The following HSBP1L1 variants were observed in gnomAD, a reference collection of about 807,000 sequenced individuals.
HSBP1L1 encodes heat shock factor binding protein 1 like 1, also known as heat shock factor-binding protein 1-like protein 1.
Under a neutral mutation model 9.7 loss-of-function variants are expected in HSBP1L1, and 8 were observed. The observed-to-expected ratio is 0.82, with a 90% CI of 0.48 to 1.48. The LOEUF (loss-of-function observed/expected upper bound fraction) is 1.48. HSBP1L1 is among the 40% of genes most tolerant of loss of function. The pLI is 0.00. For missense variants in HSBP1L1, 106 were observed against 95.8 expected, an observed-to-expected ratio of 1.11 and a Z score of -0.44; for synonymous variants, 39 against 34.4, an observed-to-expected ratio of 1.13 and a Z score of -0.46.
intron 3 of HSBP1L1, 122 bp from the exon 4 acceptor site, chr18:79,970,318 T>G: frequency 4.4e-6 from 3 of 685,176 alleles, no homozygotes; most frequent in Non-Finnish European, 8.3e-6. Flanking sequence ...GTCCAAATCA[T>G]TATGATTTCA....
chr18:79,965,799 G>C (rs1021078620), intron 1 of HSBP1L1, among the ~76,000 whole-genome samples: 1 of 152,194 alleles, frequency 6.6e-6, no homozygotes, highest in African/African-American at 2.4e-5. Context: ...TCCCTGCCCC[G>C]TCTGCACGTG....
chr18:79,966,238 A>G (rs1363328114), intron 1 of HSBP1L1, among the ~76,000 whole-genome samples: 1 of 150,582 alleles, frequency 6.6e-6, no homozygotes, highest in African/African-American at 2.4e-5. Flanking sequence ...GCCTTATCCC[A>G]TGATATTTAA....
Position 79,969,259 on chromosome 18 carries a change from AGAGGGAGGGAGGGAGG to A in HSBP1L1, c.213+1100_213+1115del, listed in dbSNP as rs1212643878. Among the ~76,000 whole-genome samples the A allele has an allele frequency of 4.7e-3, 95 of 20,346 alleles. 5 individuals carry two copies. The highest frequency in any genetic ancestry group is 0.018 in the Middle Eastern group (1 of 56). 13.3% of individuals were successfully genotyped at this position (20,346 alleles called of 152,430 possible). A position where few individuals can be genotyped will look rare whatever the true frequency, so the allele number is the denominator to read the frequency against. On this transcript the variant is annotated intron_variant, in intron 3 of 3. Coordinates refer to ENST00000451882, the MANE Select transcript of HSBP1L1 (RefSeq NM_001136180.2). Reference sequence around the variant, plus strand: ...AGGAGAGAGAGGAGAGGAGAGAGAGAGAGGGAGGGAGGGAGGGAGGGAGGGAGGGAGGGAGGGAGAG... The same window carrying A: ...AGGAGAGAGAGGAGAGGAGAGAGAGAGAGGGAGGGAGGGAGGGAGGGAGAG...
intron 2 of HSBP1L1, 66 bp downstream of exon 2, chr18:79,966,744 T>C (rs1331728951): frequency 8.4e-7 from 1 of 1,193,540 alleles, no homozygotes; most frequent in South Asian, 1.4e-5. Context: ...ATGGAGTATC[T>C]TTTTGTTGTC....
chr18:79,964,772 G>A lies in HSBP1L1; in HGVS notation c.37G>A (p.Ala13Thr). The change falls in exon 1 of 4, where the codon GCG becomes ACG. Residue 13 changes from alanine (A) to threonine (T), a missense_variant. Coordinates refer to ENST00000451882, the MANE Select transcript of HSBP1L1 (RefSeq NM_001136180.2). ...GGGCCCTGAAGCCCCCGGCGGGCGC[G>A]CGCTGCGGGACGCGGTGAGCCCCTC... Reference protein sequence around the residue: ...VRGPEAPGGRALRDAAENLFQ... With the variant: ...VRGPEAPGGRTLRDAAENLFQ... 7 of 1,401,764 alleles carry A rather than the reference G, an allele frequency of 5.0e-6. No homozygotes were observed. The highest frequency in any genetic ancestry group is 6.5e-6 in the Non-Finnish European group (7 of 1,078,184). 86.8% of individuals were successfully genotyped at this position (1,401,764 alleles called of 1,614,324 possible).
chr18:79,969,307 A>AGAG lies in HSBP1L1; in HGVS notation c.213+1126_213+1127insGGA, dbSNP rs1568356504. ...GGGAGGGAGGGAGGGAGAGAGAGAG[A>AGAG]GAAAGGAAAGAAAGAAAGAAAGAAA... On this transcript the variant is annotated intron_variant, in intron 3 of 3. Coordinates refer to ENST00000451882, the MANE Select transcript of HSBP1L1 (RefSeq NM_001136180.2). Among the ~76,000 whole-genome samples, 118 of 48,040 alleles carry AGAG rather than the reference A, an allele frequency of 2.5e-3. 13 individuals carry two copies. The East Asian group carries it at 0.054, about 22-fold the overall frequency. The allele number at this position is 48,040 out of a possible 152,430, so 31.5% of individuals were successfully genotyped here.
chr18:79,965,998 C>T (rs190174238), intron 1 of HSBP1L1, among the ~76,000 whole-genome samples: 3 of 152,190 alleles, frequency 2.0e-5, no homozygotes, highest in African/African-American at 7.2e-5. Flanking sequence ...GTGGCGCGAT[C>T]TCGGCTCACT....
At position 79,970,510 on chromosome 18, in the gene HSBP1L1, G is replaced by C. The variant is rs2051290366; in HGVS notation, c.*59G>C. 1.4e-6 allele frequency: 1 copy of C among 717,936 alleles called. No homozygotes were observed. Among genetic ancestry groups the C allele is most frequent in the Non-Finnish European group, 2.6e-6 (1 of 384,658 alleles). The allele number at this position is 717,936 out of a possible 1,614,324, so 44.5% of individuals were successfully genotyped here. On this transcript the variant is annotated 3_prime_UTR_variant, in exon 4 of 4. Coordinates refer to ENST00000451882, the MANE Select transcript of HSBP1L1 (RefSeq NM_001136180.2). ...TACAGAAGTCATTAAGGTTACATCG[G>C]TCCTGAGGGTGGGGCCCTCATCCAA...
intron 1 of HSBP1L1, among the ~76,000 whole-genome samples, chr18:79,965,453 G>A (rs2051252175): frequency 6.6e-6 from 1 of 152,120 alleles, no homozygotes; most frequent in Non-Finnish European, 1.5e-5. Flanking sequence ...GGCTCCCTGG[G>A]ATCTTGAACC....
At chr18:79,966,550 A>G (rs2051258178) in intron 1 of HSBP1L1, 62 bp from the exon 2 acceptor site, 2 of 1,323,120 alleles carry the variant, frequency 1.5e-6, no homozygotes, top group Non-Finnish European at 2.1e-6. Context: ...CTCAGAAAAA[A>G]AAAAAAACTC....
At position 79,967,239 on chromosome 18, in the gene HSBP1L1, T is replaced by C. The variant is rs536257640; in HGVS notation, c.118+561T>C. On this transcript the variant is annotated intron_variant, in intron 2 of 3. Coordinates refer to ENST00000451882, the MANE Select transcript of HSBP1L1 (RefSeq NM_001136180.2). The stretch of plus-strand genomic sequence containing the variant: ...TATAAAGGACAAAAACACAAACATA[T>C]AACACTTCCCAGTGGGGCTTCCATC... 2.7e-4 allele frequency among the ~76,000 whole-genome samples: 40 copies of C among 150,508 alleles called. No individual in the cohort carries two copies. The South Asian group carries it at 7.8e-3, about 29-fold the overall frequency.
chr18:79,967,275 C>A (rs148011682), intron 2 of HSBP1L1, among the ~76,000 whole-genome samples: 1 of 152,214 alleles, frequency 6.6e-6, no homozygotes, highest in East Asian at 1.9e-4. Flanking sequence ...AGTCCCCAAC[C>A]GGACAGTGCC....
intron 3 of HSBP1L1, among the ~76,000 whole-genome samples, chr18:79,969,394 A>AGAAAGAAAGGAAG (rs35959688): frequency 1.2e-5 from 1 of 80,302 alleles, no homozygotes; most frequent in South Asian, 5.4e-4. Context: ...AAAGAAAGAA[A>AGAAAGAAAGGAAG]AAAAAACGAT....
intron 2 of HSBP1L1, among the ~76,000 whole-genome samples, chr18:79,967,274 C>A (rs2051262563): frequency 6.6e-6 from 1 of 152,078 alleles, no homozygotes; most frequent in Admixed American, 6.5e-5. Flanking sequence ...CAGTCCCCAA[C>A]CGGACAGTGC....
chr18:79,965,769 GGT>G (rs1023949668), intron 1 of HSBP1L1, among the ~76,000 whole-genome samples: 4 of 152,100 alleles, frequency 2.6e-5, no homozygotes, highest in African/African-American at 9.7e-5. Flanking sequence ...CATGGTGTGT[GGT>G]GTGAGGAGGG....
intron 2 of HSBP1L1, 185 bp from the exon 3 acceptor site, chr18:79,967,904 G>A: frequency 2.0e-6 from 1 of 502,100 alleles, no homozygotes; most frequent in Non-Finnish European, 3.5e-6. Flanking sequence ...ACAGTTTAAA[G>A]GTTAAAGAGA....
At position 79,969,400 on chromosome 18, in the gene HSBP1L1, A is replaced by C. The variant is rs36059696; in HGVS notation, c.214-1040A>C. On this transcript the variant is annotated intron_variant, in intron 3 of 3. Coordinates refer to ENST00000451882, the MANE Select transcript of HSBP1L1 (RefSeq NM_001136180.2). ...GAAAGAAAGAAAGAAAGAAAAAAAA[A>C]CGATGCAGAATAGCGCCCACGTTGA... Among the ~76,000 whole-genome samples the C allele has an allele frequency of 6.2e-3, 917 of 147,960 alleles. 30 individuals carry two copies. Among genetic ancestry groups the C allele is most frequent in the African/African-American group, 0.022 (841 of 38,372 alleles).
intron 1 of HSBP1L1, among the ~76,000 whole-genome samples, chr18:79,966,110 T>C (rs1247008221): frequency 6.6e-6 from 1 of 152,108 alleles, no homozygotes; most frequent in Non-Finnish European, 1.5e-5. Context: ...TTTTTGTATT[T>C]TTAGTAGAGA....
chr18:79,970,263 C>G, intron 3 of HSBP1L1, 177 bp from the exon 4 acceptor site: 1 of 570,676 alleles, frequency 1.8e-6, no homozygotes, highest in Non-Finnish European at 3.3e-6. Flanking sequence ...TAAGTCAGGG[C>G]AAGGTAGACA....
Sources: gnomAD v4.1 joint callset for allele counts (sites outside exome capture counted in the v4.1 genomes callset) on GRCh38, gnomAD v4.1.1 for gene constraint, MANE v1.5 for transcripts, NCBI Gene and HGNC (gene_info 2026-07-23, HGNC 2026-07-21) for gene names.